Variants in LRRC4C observed in about 807,000 individuals in gnomAD.
LRRC4C encodes the protein leucine rich repeat containing 4C.
Under a neutral mutation model 33.6 loss-of-function variants are expected in LRRC4C, and 5 were observed. That is an observed-to-expected ratio of 0.15 (90% confidence interval 0.08 to 0.31). The LOEUF (loss-of-function observed/expected upper bound fraction) is 0.31. LRRC4C is among the 10% of genes least tolerant of loss of function. The pLI is 1.00. For synonymous variants in LRRC4C, 329 were observed against 302.0 expected (o/e 1.09, Z -0.93); for missense variants, 560 against 796.7 (o/e 0.70, Z 3.58).
intron 1 of LRRC4C, among the ~76,000 whole-genome samples, chr11:41,167,818 G>T (rs1944797348): frequency 6.6e-6 from 1 of 152,118 alleles, no homozygotes. Flanking sequence ...ATAATGAATA[G>T]TAAAATTGAA....
chr11:41,147,871 T>C (rs1943798965), intron 1 of LRRC4C, among the ~76,000 whole-genome samples: 1 of 152,012 alleles, frequency 6.6e-6, no homozygotes, highest in African/African-American at 2.4e-5. Context: ...AGGAGGATTG[T>C]TTGATCCAGG....
chr11:40,324,000 C>A (rs950718340), intron 3 of LRRC4C, among the ~76,000 whole-genome samples: 2 of 152,114 alleles, frequency 1.3e-5, no homozygotes. Flanking sequence ...TATAAAAGAG[C>A]CTGACACCTT....
chr11:41,105,787 A>G lies in LRRC4C; in HGVS notation c.-495-172064T>C, dbSNP rs1039284805. Among the ~76,000 whole-genome samples, 3 of 152,258 alleles carry G rather than the reference A, an allele frequency of 2.0e-5. No individual in the cohort carries two copies. The East Asian group carries it at 5.8e-4, about 30-fold the overall frequency. ...AGTGGAAAGAGACTTCTGCAGAAGTAGTTCATCCAACATCAAACAATAATA... is the reference window on the plus strand; with the variant it reads ...AGTGGAAAGAGACTTCTGCAGAAGTGGTTCATCCAACATCAAACAATAATA... On this transcript the variant is annotated intron_variant, in intron 1 of 6. Transcript: ENST00000528697.
chr11:41,181,651 CAA>C (rs530386037), intron 1 of LRRC4C, among the ~76,000 whole-genome samples: 187 of 152,234 alleles, frequency 1.2e-3, no homozygotes, highest in Non-Finnish European at 2.1e-3. Context: ...AGTAGTTGAA[CAA>C]AAGAGACTCA....
intron 2 of LRRC4C, among the ~76,000 whole-genome samples, chr11:40,737,711 A>T (rs1424401301): frequency 1.3e-5 from 2 of 152,190 alleles, no homozygotes; most frequent in Non-Finnish European, 2.9e-5. Context: ...ATGCTCAAGG[A>T]AATAAGAGAG....
intron 2 of LRRC4C, among the ~76,000 whole-genome samples, chr11:40,776,892 T>C (rs906939917): frequency 5.9e-5 from 9 of 152,134 alleles, no homozygotes; most frequent in Non-Finnish European, 1.3e-4. Context: ...TTAATACTAC[T>C]TTTTTGCATC....
At chr11:41,285,266 C>T (rs1949789447) in intron 1 of LRRC4C, among the ~76,000 whole-genome samples, 1 of 152,182 alleles carries the variant, frequency 6.6e-6, no homozygotes, top group African/African-American at 2.4e-5. Context: ...TCCATTCATT[C>T]ATCCATTTAT....
At chr11:41,193,154 CAAG>C (rs1436483455) in intron 1 of LRRC4C, among the ~76,000 whole-genome samples, 1 of 152,142 alleles carries the variant, frequency 6.6e-6, no homozygotes, top group Non-Finnish European at 1.5e-5. Flanking sequence ...GGTTGTACAA[CAAG>C]AAGGTATGGA....
At chr11:40,320,682 C>T (rs1448662750) in intron 3 of LRRC4C, among the ~76,000 whole-genome samples, 1 of 152,160 alleles carries the variant, frequency 6.6e-6, no homozygotes, top group Non-Finnish European at 1.5e-5. Context: ...GAATCCAAAA[C>T]TTACTGAGTC....
At chr11:41,440,258 G>GA (rs1477982619) in intron 1 of LRRC4C, among the ~76,000 whole-genome samples, 2 of 151,778 alleles carry the variant, frequency 1.3e-5, no homozygotes, top group Admixed American at 1.3e-4. Context: ...AATATTTTTG[G>GA]AAAAAAGGAG....
intron 2 of LRRC4C, among the ~76,000 whole-genome samples, chr11:40,899,469 C>G (rs1289905888): frequency 4.6e-5 from 7 of 152,094 alleles, no homozygotes; most frequent in Non-Finnish European, 1.5e-5. Flanking sequence ...AAGAAAGAAA[C>G]TTTCATGTCT....
At chr11:40,843,304 T>G (rs1255809625) in intron 2 of LRRC4C, among the ~76,000 whole-genome samples, 1 of 152,170 alleles carries the variant, frequency 6.6e-6, no homozygotes, top group Non-Finnish European at 1.5e-5. Flanking sequence ...ACCAACCCTA[T>G]GTACTAGGTA....
In LRRC4C at chr11:40,429,568, T is replaced by TAAAAA. The variant is rs59538764; in HGVS notation, c.-269-109852_-269-109848dup. Among the ~76,000 whole-genome samples, 791 of 147,484 alleles carry TAAAAA rather than the reference T, an allele frequency of 5.4e-3. 6 individuals carry two copies. The highest frequency in any genetic ancestry group is 0.018 in the African/African-American group (728 of 39,380). On this transcript the variant is annotated intron_variant, in intron 3 of 6. Coordinates refer to ENST00000528697, the MANE Select transcript of LRRC4C (RefSeq NM_001258419.2). ...TCTTTTGAATCAGGTGCAATAATAA[T>TAAAAA]AAAAAAAAAACAAAACAAAACATGT...
At chr11:40,691,835 G>A (rs927667480) in intron 2 of LRRC4C, among the ~76,000 whole-genome samples, 5 of 152,052 alleles carry the variant, frequency 3.3e-5, no homozygotes, top group South Asian at 4.1e-4. Context: ...TTACCCAAGA[G>A]GGTGATAAAT....
At chr11:40,763,770 C>T (rs1239970302) in intron 2 of LRRC4C, among the ~76,000 whole-genome samples, 1 of 152,064 alleles carries the variant, frequency 6.6e-6, no homozygotes, top group African/African-American at 2.4e-5. Flanking sequence ...TTAGACCATC[C>T]CTAGCCAGAG....
chr11:40,914,347 C>A (rs942945078), intron 2 of LRRC4C, among the ~76,000 whole-genome samples: 1 of 152,160 alleles, frequency 6.6e-6, no homozygotes, highest in African/African-American at 2.4e-5. Context: ...AGCTTATCCA[C>A]CATGATCAAG....
intron 1 of LRRC4C, among the ~76,000 whole-genome samples, chr11:41,141,080 G>T (rs998216487): frequency 6.6e-6 from 1 of 151,998 alleles, no homozygotes; most frequent in Non-Finnish European, 1.5e-5. Context: ...TTGAATCATT[G>T]GTTATCAATA....
chr11:40,955,791 C>T (rs1266585857), intron 1 of LRRC4C, among the ~76,000 whole-genome samples: 1 of 151,604 alleles, frequency 6.6e-6, no homozygotes, highest in African/African-American at 2.4e-5. Context: ...CACTTAGAAA[C>T]TCAGAAAGCT....
chr11:40,181,448 C>T (rs773951875), intron 5 of LRRC4C, among the ~76,000 whole-genome samples: 3 of 152,172 alleles, frequency 2.0e-5, no homozygotes, highest in Non-Finnish European at 2.9e-5. Flanking sequence ...CTTTTCTGGA[C>T]TCACCTCTAC....
Sources: allele counts gnomAD v4.1 joint callset (sites outside exome capture counted in the v4.1 genomes callset), GRCh38; gene constraint gnomAD v4.1.1; transcripts MANE v1.5; gene names NCBI Gene and HGNC (gene_info 2026-07-23, HGNC 2026-07-21).